The following ZNF418 variants were observed in gnomAD, a reference collection of about 807,000 sequenced individuals.
ZNF418 encodes the protein zinc finger protein 418.
Under a neutral mutation model 32.0 loss-of-function variants are expected in ZNF418, and 32 were observed. The ratio of observed to expected loss-of-function variants is 1.00; its 90% CI spans 0.75 to 1.34. ZNF418 has a LOEUF of 1.34. ZNF418 is among the 40% of genes most tolerant of loss of function. ZNF418 has a pLI of 0.00. For synonymous variants in ZNF418, 276 were observed against 270.7 expected (o/e 1.02, Z -0.19); for missense variants, 804 against 812.5 (o/e 0.99, Z 0.13).
chr19:57,925,041 C>T (rs2072154542), intron 4 of ZNF418, among the ~76,000 whole-genome samples: 1 of 152,126 alleles, frequency 6.6e-6, no homozygotes, highest in Non-Finnish European at 1.5e-5. Flanking sequence ...GTTTCCAAAC[C>T]ACCCGAAAGA....
intron 1 of ZNF418, chr19:57,934,823 C>G (rs779702251): frequency 1.3e-4 from 42 of 311,702 alleles, no homozygotes; most frequent in Non-Finnish European, 1.7e-4. Flanking sequence ...TTCTTCGAAA[C>G]TCTCCATGGC....
In ZNF418 at chr19:57,921,927, CCAGGAGCGGCAGG is replaced by C. The variant is rs1477543026; in HGVS notation, c.*1315_*1327del. On this transcript the variant is annotated 3_prime_UTR_variant, in exon 6 of 6. Coordinates refer to ENST00000396147, the MANE Select transcript of ZNF418 (RefSeq NM_133460.3). The stretch of plus-strand genomic sequence containing the variant: ...ATTGAGGACTTAGATACAGGGCAGT[CCAGGAGCGGCAGG>C]CTGGACAAAAAAACCACTATCATTT... 1 of 152,124 alleles carries C rather than the reference CCAGGAGCGGCAGG, an allele frequency of 6.6e-6. No individual in the cohort carries two copies. Among genetic ancestry groups the C allele is most frequent in the Non-Finnish European group, 1.5e-5 (1 of 68,040 alleles). The allele number at this position is 152,124 out of a possible 1,614,324, so 9.4% of individuals were successfully genotyped here. A position where few individuals can be genotyped will look rare whatever the true frequency, so the allele number is the denominator to read the frequency against.
Position 57,926,903 on chromosome 19 carries a change from G to C in ZNF418, c.1278C>G (p.Tyr426Ter), listed in dbSNP as rs773790122. The change falls in exon 4 of 6, where the codon TAC (tyrosine) becomes TAG (stop). Residue 426 changes from tyrosine to a stop codon, truncating the protein, a stop_gained. Coordinates refer to ENST00000396147, the MANE Select transcript of ZNF418 (RefSeq NM_133460.3). LOFTEE classifies it low-confidence loss of function (END_TRUNC). ...AAGATTTCCCACATTCTCCACACTCGTAAGGTCTTTCTCCAGTGTGACCTC... is the reference window on the plus strand; with the variant it reads ...AAGATTTCCCACATTCTCCACACTCCTAAGGTCTTTCTCCAGTGTGACCTC... ...HQRGHTGERP[Y>*]ECGECGKSFS... The C allele has an allele frequency of 1.2e-6, 2 of 1,607,784 alleles. No homozygotes were observed. Among genetic ancestry groups the C allele is most frequent in the Non-Finnish European group, 1.7e-6 (2 of 1,177,972 alleles).
chr19:57,928,342 G>A (rs948167713), intron 3 of ZNF418, among the ~76,000 whole-genome samples: 4 of 152,030 alleles, frequency 2.6e-5, no homozygotes, highest in African/African-American at 9.7e-5. Context: ...AGCACAGAGT[G>A]CAGTGGCATA....
At position 57,930,516 on chromosome 19, in the gene ZNF418, G is replaced by C; in HGVS notation, c.45C>G (p.Ser15=). The C allele has an allele frequency of 6.2e-7, 1 of 1,614,038 alleles. No homozygotes were observed. The highest frequency in any genetic ancestry group is 8.5e-7 in the Non-Finnish European group (1 of 1,180,006). The change falls in exon 3 of 6, where the codon TCC becomes TCG. Residue 15 remains serine (S), a synonymous_variant. Transcript: ENST00000396147. ...CACTAAGGAGACTCCACTCCTCCTG[G>C]GAAAAGTTCACAGCCACATCTTCAA... The part of the protein sequence containing the change: ...VAFEDVAVNF[S]QEEWSLLSEV...
At chr19:57,924,080 G>A (rs1302609218) in intron 4 of ZNF418, among the ~76,000 whole-genome samples, 2 of 151,712 alleles carry the variant, frequency 1.3e-5, no homozygotes, top group East Asian at 3.9e-4. Context: ...GTTCGAGGCT[G>A]CAGTGAACTA....
intron 1 of ZNF418, 148 bp from the exon 2 acceptor site, chr19:57,934,050 A>C (rs1476945918): frequency 1.4e-6 from 2 of 1,451,582 alleles, no homozygotes; most frequent in Non-Finnish European, 1.8e-6. Flanking sequence ...AGAAATGGGA[A>C]TACCTCCATA....
At chr19:57,929,178 C>T (rs531392958) in intron 3 of ZNF418, among the ~76,000 whole-genome samples, 1 of 152,250 alleles carries the variant, frequency 6.6e-6, no homozygotes, top group South Asian at 2.1e-4. Flanking sequence ...ACAAGGTGTA[C>T]AACTGACAAA....
chr19:57,926,596 G>C lies in ZNF418; in HGVS notation c.1585C>G (p.Arg529Gly), dbSNP rs200035509. The C allele has an allele frequency of 1.2e-6, 2 of 1,614,046 alleles. No individual in the cohort carries two copies. Among genetic ancestry groups the C allele is most frequent in the Non-Finnish European group, 1.7e-6 (2 of 1,180,030 alleles). The change falls in exon 4 of 6, where the codon CGG (arginine) becomes GGG (glycine). Residue 529 changes from arginine (R) to glycine (G), a missense_variant. Physicochemically the swap from Arg to Gly is moderately radical, Grantham distance 125. This residue lies in a region of ZNF418 where 475 missense variants were observed against 458.6 expected (regional missense o/e 1.04). Coordinates refer to ENST00000396147, the MANE Select transcript of ZNF418 (RefSeq NM_133460.3). ...GGCCTTTCTCCAGTATGAACTCTCC[G>C]ATGTCGAAGGAGGGAACAGCTTTGA... Reference protein sequence around the residue: ...FPQSCSLLRHRRVHTGERPYE... With the variant: ...FPQSCSLLRHGRVHTGERPYE...
chr19:57,931,011 G>A (rs896379295), intron 2 of ZNF418, among the ~76,000 whole-genome samples: 5 of 151,562 alleles, frequency 3.3e-5, no homozygotes, highest in East Asian at 2.0e-4. Context: ...TCCTGACCTC[G>A]TGATCCACCC....
chr19:57,935,082 G>A, intron 1 of ZNF418, 79 bp downstream of exon 1: 2 of 1,320,206 alleles, frequency 1.5e-6, no homozygotes, highest in East Asian at 4.3e-5. Flanking sequence ...CTGCAGACCT[G>A]TGAACAGTCG....
Position 57,925,943 on chromosome 19 carries a change from TCCAA to T in ZNF418, c.*203_*206del. ...TTTTCCTTATGAGAACAATCTGTTA[TCCAA>T]TGACAGAAGGCAGAAGGCTTTCTCA... On this transcript the variant is annotated 3_prime_UTR_variant, in exon 4 of 6. Coordinates refer to ENST00000396147, the MANE Select transcript of ZNF418 (RefSeq NM_133460.3). The T allele has an allele frequency of 1.8e-6, 1 of 571,324 alleles. No homozygotes were observed. Among genetic ancestry groups the T allele is most frequent in the Non-Finnish European group, 3.1e-6 (1 of 322,700 alleles). The allele number at this position is 571,324 out of a possible 1,614,324, so 35.4% of individuals were successfully genotyped here. A position where few individuals can be genotyped will look rare whatever the true frequency, so the allele number is the denominator to read the frequency against.
chr19:57,935,281 C>G lies in ZNF418; in HGVS notation c.-201G>C, dbSNP rs890372470. 9.2e-7 allele frequency: 1 copy of G among 1,082,134 alleles called. No homozygotes were observed. The highest frequency in any genetic ancestry group is 1.1e-6 in the Non-Finnish European group (1 of 879,032). The allele number at this position is 1,082,134 out of a possible 1,614,324, so 67.0% of individuals were successfully genotyped here. A position where few individuals can be genotyped will look rare whatever the true frequency, so the allele number is the denominator to read the frequency against. ...CCTCTGTGCAGCAAGAAGGACTCTT[C>G]ACCTTCTGGGTTCAGACACCGCGGT... On this transcript the variant is annotated 5_prime_UTR_variant, in exon 1 of 6. Transcript: ENST00000396147.
At chr19:57,933,994 T>C in intron 1 of ZNF418, 92 bp from the exon 2 acceptor site, 1 of 1,555,382 alleles carries the variant, frequency 6.4e-7, no homozygotes, top group African/African-American at 1.3e-5. Flanking sequence ...CATGACCTGG[T>C]ACCAACTCTG....
At chr19:57,932,712 G>C in intron 2 of ZNF418, 1 of 1,170,438 alleles carries the variant, frequency 8.5e-7, no homozygotes, top group Non-Finnish European at 1.1e-6. Context: ...GTCCACCCCA[G>C]GCCCAATGTC....
chr19:57,924,136 G>A (rs1333750715), intron 4 of ZNF418, among the ~76,000 whole-genome samples: 1 of 147,710 alleles, frequency 6.8e-6, no homozygotes, highest in African/African-American at 2.5e-5. Context: ...GCAACACCTT[G>A]TCTTAGAAAA....
intron 3 of ZNF418, among the ~76,000 whole-genome samples, chr19:57,929,496 C>T (rs1192935011): frequency 1.3e-5 from 2 of 152,140 alleles, no homozygotes; most frequent in Non-Finnish European, 2.9e-5. Context: ...GCCTCTGTGG[C>T]AGCAAACAGT....
chr19:57,923,865 C>T (rs1307173519), intron 4 of ZNF418, among the ~76,000 whole-genome samples: 4 of 152,004 alleles, frequency 2.6e-5, no homozygotes, highest in Admixed American at 6.6e-5. Context: ...CGTGAGCCAC[C>T]GTGCCTGGCC....
At chr19:57,933,601 G>A (rs909613649) in intron 2 of ZNF418, among the ~76,000 whole-genome samples, 6 of 152,210 alleles carry the variant, frequency 3.9e-5, no homozygotes, top group Non-Finnish European at 7.4e-5. Context: ...GGCGCCTGTA[G>A]TCCCAGCTAC....
Sources: gnomAD v4.1 joint callset for allele counts (sites outside exome capture counted in the v4.1 genomes callset) on GRCh38, gnomAD v4.1.1 for gene constraint, gnomAD v4.1.1 regional missense constraint, MANE v1.5 for transcripts, NCBI Gene and HGNC (gene_info 2026-07-23, HGNC 2026-07-21) for gene names.